The following FYB2 variants were observed in gnomAD, a reference collection of about 807,000 sequenced individuals.
The protein encoded by FYB2 is FYN-binding protein 2.
In FYB2, 103 loss-of-function variants were observed where a neutral mutation model predicts 94.1. That is an observed-to-expected ratio of 1.09 (90% CI 0.93 to 1.29). The LOEUF (loss-of-function observed/expected upper bound fraction) is 1.29. Among genes scored for constraint, FYB2 ranks in the 50% most tolerant of loss-of-function variants. FYB2 has a pLI of 0.00. For synonymous variants in FYB2, 293 were observed against 287.9 expected, an observed-to-expected ratio of 1.02 and a Z score of -0.18; for missense variants, 896 against 841.5, an observed-to-expected ratio of 1.06 and a Z score of -0.80.
intron 1 of FYB2, among the ~76,000 whole-genome samples, chr1:56,816,859 TTTTC>T (rs1396418765): frequency 2.9e-5 from 4 of 139,456 alleles, no homozygotes; most frequent in Admixed American, 7.1e-5. Context: ...TCATCAACAA[TTTTC>T]TTTTTTTTTT....
intron 1 of FYB2, among the ~76,000 whole-genome samples, chr1:56,811,496 C>A (rs923745504): frequency 4.6e-5 from 7 of 152,150 alleles, no homozygotes; most frequent in African/African-American, 1.7e-4. Context: ...AGATTACCTC[C>A]AGGCAGTTTG....
chr1:56,790,527 CCATCTTTCTTCCCATA>C (rs1281956507), intron 2 of FYB2, among the ~76,000 whole-genome samples: 1 of 152,210 alleles, frequency 6.6e-6, no homozygotes, highest in African/African-American at 2.4e-5. Context: ...TTTCTCTCAT[CCATCTTTCTTCCCATA>C]CATCTTTCTT....
chr1:56,758,691 C>T (rs1305830568), intron 6 of FYB2, 25 bp downstream of exon 6: 1 of 1,558,650 alleles, frequency 6.4e-7, no homozygotes, highest in East Asian at 2.3e-5. Context: ...CTTTTAGTTA[C>T]AATGTTGGTA....
chr1:56,740,874 A>G (rs957884770), intron 12 of FYB2, 79 bp from the exon 13 acceptor site: 4 of 919,560 alleles, frequency 4.3e-6, no homozygotes, highest in Admixed American at 2.7e-5. Context: ...TTATAAAATC[A>G]AATGCCACAT....
intron 1 of FYB2, among the ~76,000 whole-genome samples, chr1:56,808,214 T>G (rs947638): frequency 0.77 from 117,463 of 151,952 alleles, 45,561 homozygotes; most frequent in Middle Eastern, 0.86. Context: ...AGCTGGAGGG[T>G]TCAAGTCAAC....
At chr1:56,732,808 C>A (rs1240370487) in intron 15 of FYB2, among the ~76,000 whole-genome samples, 3 of 151,468 alleles carry the variant, frequency 2.0e-5, no homozygotes, top group Non-Finnish European at 4.4e-5. Flanking sequence ...CCCCCACCCA[C>A]CACTTACACT....
At chr1:56,749,290 C>A (rs1480724422) in intron 9 of FYB2, among the ~76,000 whole-genome samples, 1 of 151,668 alleles carries the variant, frequency 6.6e-6, no homozygotes, top group Non-Finnish European at 1.5e-5. Context: ...CTCACTTTTC[C>A]AGTATCCTTT....
At chr1:56,758,852 C>T in intron 5 of FYB2, 102 bp from the exon 6 acceptor site, 3 of 879,642 alleles carry the variant, frequency 3.4e-6, no homozygotes, top group South Asian at 4.1e-5. Context: ...ATTCAGTTTT[C>T]TCACCTTTAA....
intron 2 of FYB2, among the ~76,000 whole-genome samples, chr1:56,789,411 C>T (rs750824505): frequency 2.2e-4 from 34 of 152,194 alleles, no homozygotes; most frequent in Non-Finnish European, 3.8e-4. Context: ...ATATGTCTTG[C>T]TTCCCCCCAC....
chr1:56,760,792 T>C (rs764624265), intron 5 of FYB2, among the ~76,000 whole-genome samples: 4 of 152,170 alleles, frequency 2.6e-5, no homozygotes, highest in Non-Finnish European at 5.9e-5. Context: ...TAATAACGTA[T>C]TCATAATGTT....
At chr1:56,727,770 A>G (rs573158506) in intron 15 of FYB2, among the ~76,000 whole-genome samples, 1 of 152,280 alleles carries the variant, frequency 6.6e-6, no homozygotes, top group Non-Finnish European at 1.5e-5. Context: ...GTCGAATGAT[A>G]GGTTCAGGGC....
chr1:56,744,374 T>C, intron 9 of FYB2, 108 bp from the exon 10 acceptor site: 1 of 781,592 alleles, frequency 1.3e-6, no homozygotes, highest in Admixed American at 2.4e-5. Context: ...GCAGATTAAA[T>C]GGGCTAAAAT....
intron 4 of FYB2, among the ~76,000 whole-genome samples, chr1:56,784,207 A>C (rs767450475): frequency 6.6e-6 from 1 of 152,178 alleles, no homozygotes; most frequent in Non-Finnish European, 1.5e-5. Flanking sequence ...TGTAGTCCTT[A>C]GATGTTTTAA....
chr1:56,742,267 A>G (rs766577814), intron 11 of FYB2, 46 bp from the exon 12 acceptor site: 1 of 1,399,260 alleles, frequency 7.1e-7, no homozygotes, highest in South Asian at 1.2e-5. Context: ...TAATAGCAAT[A>G]GTTCAGATTC....
chr1:56,792,006 A>G (rs758075375), intron 2 of FYB2, 50 bp downstream of exon 2: 2 of 1,513,630 alleles, frequency 1.3e-6, no homozygotes, highest in Non-Finnish European at 1.8e-6. Flanking sequence ...AAGTAGAAAA[A>G]CATGATGACA....
At chr1:56,736,465 G>A (rs1644834097) in intron 15 of FYB2, among the ~76,000 whole-genome samples, 1 of 120,028 alleles carries the variant, frequency 8.3e-6, no homozygotes, top group Non-Finnish European at 1.6e-5. Context: ...TGTCTCCATT[G>A]CCCAGGCTGG....
At chr1:56,748,954 G>A (rs9803816) in intron 9 of FYB2, among the ~76,000 whole-genome samples, 1,613 of 151,282 alleles carry the variant, frequency 0.011, 30 homozygotes, top group African/African-American at 0.037. Flanking sequence ...TTTGTGAAAG[G>A]CATTTTTATG....
intron 13 of FYB2, 85 bp downstream of exon 13, chr1:56,740,612 G>T: frequency 1.3e-6 from 1 of 788,790 alleles, no homozygotes; most frequent in Non-Finnish European, 2.0e-6. Flanking sequence ...CCCCTTCACT[G>T]TTTCTGAGAT....
intron 2 of FYB2, among the ~76,000 whole-genome samples, chr1:56,791,209 G>C (rs1418437): frequency 0.88 from 133,324 of 151,830 alleles, 58,735 homozygotes; most frequent in African/African-American, 0.94. Flanking sequence ...TCAATCTGGC[G>C]TTTTTCTTCT....
Sources: gnomAD v4.1 joint callset for allele counts (sites outside exome capture counted in the v4.1 genomes callset) on GRCh38, gnomAD v4.1.1 for gene constraint, MANE v1.5 for transcripts, NCBI Gene and HGNC (gene_info 2026-07-23, HGNC 2026-07-21) for gene names.